Variants in RIMBP2 observed in about 807,000 individuals in gnomAD.
RIMBP2 encodes RIMS binding protein 2.
A neutral mutation model predicts 118.6 loss-of-function variants in RIMBP2; 48 were observed. That is an observed-to-expected ratio of 0.40 (90% CI 0.32 to 0.51). The LOEUF (loss-of-function observed/expected upper bound fraction) is 0.51. Ranked by LOEUF, RIMBP2 falls within the 20% of genes least tolerant of loss-of-function variation. RIMBP2 has a pLI of 0.41. For synonymous variants in RIMBP2, 762 were observed against 742.9 expected (o/e 1.03, Z -0.42); for missense variants, 1,551 against 1,768.3 (o/e 0.88, Z 2.20).
chr12:130,572,771 A>G (rs1049205253), intron 2 of RIMBP2, among the ~76,000 whole-genome samples: 2 of 152,038 alleles, frequency 1.3e-5, no homozygotes, highest in African/African-American at 2.4e-5. Flanking sequence ...GAACGCTGGC[A>G]CACAGCCAGC....
At chr12:130,438,545 G>T (rs757085150) in intron 11 of RIMBP2, 29 bp from the exon 12 acceptor site, 3 of 1,537,018 alleles carry the variant, frequency 2.0e-6, no homozygotes, top group Non-Finnish European at 2.6e-6. Context: ...GAACGGAGGC[G>T]TTCAGGGACC....
Position 130,555,834 on chromosome 12 carries a change from C to A in RIMBP2, c.-216-37917G>T, listed in dbSNP as rs114500669. The stretch of plus-strand genomic sequence containing the variant: ...GAGACCTTGAAAATAATGCCCCATG[C>A]CTGGCAAAAGTTAATCGTCATCTGG... On this transcript the variant is annotated intron_variant, in intron 2 of 22. Transcript: ENST00000690449. Among the ~76,000 whole-genome samples, 340 of 152,292 alleles carry A rather than the reference C, an allele frequency of 2.2e-3. 3 individuals carry two copies. Among genetic ancestry groups the A allele is most frequent in the African/African-American group, 7.9e-3 (329 of 41,542 alleles).
intron 2 of RIMBP2, among the ~76,000 whole-genome samples, chr12:130,615,203 A>G (rs954681770): frequency 5.5e-5 from 8 of 145,154 alleles, no homozygotes; most frequent in Non-Finnish European, 9.0e-5. Flanking sequence ...TACAACATAT[A>G]CATCATATTA....
intron 16 of RIMBP2, among the ~76,000 whole-genome samples, chr12:130,423,155 A>T (rs2076522054): frequency 6.6e-6 from 1 of 152,204 alleles, no homozygotes; most frequent in Non-Finnish European, 1.5e-5. Context: ...TCACCTTTAG[A>T]TCAGGGTTAG....
chr12:130,594,701 G>C (rs949193769), intron 2 of RIMBP2, among the ~76,000 whole-genome samples: 6 of 149,844 alleles, frequency 4.0e-5, no homozygotes, highest in African/African-American at 1.5e-4. Context: ...GTGTGGGTAT[G>C]TTTGTGTATA....
At chr12:130,666,393 C>T (rs996286550) in intron 1 of RIMBP2, among the ~76,000 whole-genome samples, 3 of 152,114 alleles carry the variant, frequency 2.0e-5, no homozygotes, top group African/African-American at 4.8e-5. Context: ...TGCAATACAA[C>T]GGCACCAAGC....
intron 1 of RIMBP2, among the ~76,000 whole-genome samples, chr12:130,648,505 A>G (rs759916546): frequency 6.9e-6 from 1 of 145,656 alleles, no homozygotes; most frequent in Non-Finnish European, 1.6e-5. Flanking sequence ...AGCAAAATCA[A>G]ATTCAAGCTA....
At chr12:130,421,689 ATATGTGTGTGTGTGTG>A (rs1362101703) in intron 17 of RIMBP2, among the ~76,000 whole-genome samples, 5 of 106,954 alleles carry the variant, frequency 4.7e-5, no homozygotes, top group Non-Finnish European at 8.6e-5. Flanking sequence ...CCCTGCATTT[ATATGTGTGTGTGTGTG>A]TGTGTGTGTG....
intron 6 of RIMBP2, among the ~76,000 whole-genome samples, chr12:130,460,174 C>T (rs1033408676): frequency 1.1e-4 from 17 of 152,268 alleles, no homozygotes; most frequent in South Asian, 4.1e-4. Context: ...CATCACAGGC[C>T]TGGGTGTTCA....
At chr12:130,574,519 C>T (rs1200574372) in intron 2 of RIMBP2, among the ~76,000 whole-genome samples, 1 of 152,188 alleles carries the variant, frequency 6.6e-6, no homozygotes, top group Non-Finnish European at 1.5e-5. Context: ...TTATCTTTTA[C>T]ATAAAAGCTC....
At chr12:130,571,612 G>A (rs901577184) in intron 2 of RIMBP2, among the ~76,000 whole-genome samples, 1 of 151,988 alleles carries the variant, frequency 6.6e-6, no homozygotes, top group East Asian at 1.9e-4. Flanking sequence ...TAGAGACGGG[G>A]TTTTACCATG....
At chr12:130,493,375 C>T (rs947850285) in intron 4 of RIMBP2, among the ~76,000 whole-genome samples, 3 of 151,982 alleles carry the variant, frequency 2.0e-5, no homozygotes, top group African/African-American at 4.8e-5. Flanking sequence ...AGTGCAATGG[C>T]GTGATCTCGG....
At chr12:130,404,863 T>A (rs189830936) in intron 21 of RIMBP2, among the ~76,000 whole-genome samples, 187 of 152,082 alleles carry the variant, frequency 1.2e-3, no homozygotes, top group African/African-American at 4.3e-3. Flanking sequence ...CAGCATGGAG[T>A]AGTGTTAAAG....
rs755835907 is a variant in RIMBP2 at position 130,670,695 on chromosome 12, C to T, written c.-351-42239G>A. Among the ~76,000 whole-genome samples, 20 of 152,176 alleles carry T rather than the reference C, an allele frequency of 1.3e-4. No individual in the cohort carries two copies. The highest frequency in any genetic ancestry group is 3.3e-4 in the Admixed American group (5 of 15,286). On this transcript the variant is annotated intron_variant, in intron 1 of 22. Coordinates refer to ENST00000690449, the MANE Select transcript of RIMBP2 (RefSeq NM_001393629.1). The surrounding 1 kb of genome is among the most constrained non-coding windows in gnomAD (Gnocchi z 4.9). ...ACTGTCCCACCCTCCCTTGCAGCTA[C>T]AGTTGTCCATGGGGCATAGATCCAC...
rs2061053840 is a variant in RIMBP2, at chr12:130,617,985, A to C, written c.-217+10337T>G. On this transcript the variant is annotated intron_variant, in intron 2 of 22. Transcript: ENST00000690449. This position sits in a 1 kb window ranked among gnomAD's most constrained non-coding sequence, Gnocchi z 4.6. ...GGCGGGAGGATCACTTGAGCCCAGGAGTTTGAGACCAGCCTGGGCAACATA... is the reference window on the plus strand; with the variant it reads ...GGCGGGAGGATCACTTGAGCCCAGGCGTTTGAGACCAGCCTGGGCAACATA... 7.4e-6 allele frequency among the ~76,000 whole-genome samples: 1 copy of C among 135,098 alleles called. No homozygotes were observed. The highest frequency in any genetic ancestry group is 2.7e-5 in the African/African-American group (1 of 37,282). 88.6% of individuals were successfully genotyped at this position (135,098 alleles called of 152,430 possible). A position where few individuals can be genotyped will look rare whatever the true frequency, so the allele number is the denominator to read the frequency against.
intron 4 of RIMBP2, among the ~76,000 whole-genome samples, chr12:130,499,217 T>C (rs577883025): frequency 3.2e-4 from 48 of 152,194 alleles, no homozygotes; most frequent in African/African-American, 1.2e-3. Flanking sequence ...GATCCAATCA[T>C]CTCCCACCAG....
chr12:130,435,004 T>A, intron 13 of RIMBP2, 124 bp from the exon 14 acceptor site: 1 of 1,004,614 alleles, frequency 1.0e-6, no homozygotes, highest in Non-Finnish European at 1.4e-6. Flanking sequence ...CACAGTGCTT[T>A]GGGCCCAGCT....
chr12:130,565,329 G>A (rs988897799), intron 2 of RIMBP2, among the ~76,000 whole-genome samples: 1 of 152,060 alleles, frequency 6.6e-6, no homozygotes, highest in African/African-American at 2.4e-5. Flanking sequence ...TGGGAAACAG[G>A]GTATGGAGGA....
chr12:130,708,772 C>T (rs902696120), intron 1 of RIMBP2, among the ~76,000 whole-genome samples: 2 of 152,216 alleles, frequency 1.3e-5, no homozygotes, highest in Admixed American at 1.3e-4. Flanking sequence ...AAGAGGCTCG[C>T]GTGGGCCCTG....
Sources: allele counts gnomAD v4.1 joint callset (sites outside exome capture counted in the v4.1 genomes callset), GRCh38; gene constraint gnomAD v4.1.1; non-coding constraint Gnocchi (gnomAD v3.1); transcripts MANE v1.5; gene names NCBI Gene and HGNC (gene_info 2026-07-23, HGNC 2026-07-21).